Variants in ERAP1 observed in about 807,000 individuals in gnomAD.
ERAP1 encodes the protein endoplasmic reticulum aminopeptidase 1.
Under a neutral mutation model 103.7 loss-of-function variants are expected in ERAP1, and 86 were observed. The ratio of observed to expected loss-of-function variants is 0.83; its 90% CI spans 0.70 to 0.99. The LOEUF (loss-of-function observed/expected upper bound fraction) is 0.99, where lower values mean the gene tolerates loss of function less well. Ranked by LOEUF, ERAP1 falls within the 50% of genes least tolerant of loss-of-function variation. The pLI is 0.00. For missense variants in ERAP1, 1,009 were observed against 1,128.4 expected, an observed-to-expected ratio of 0.89 and a Z score of 1.52; for synonymous variants, 398 against 402.4, an observed-to-expected ratio of 0.99 and a Z score of 0.13.
the ERAP1 span, among the ~76,000 whole-genome samples, chr5:96,887,588 C>G: frequency 9.0e-3 from 1,373 of 152,262 alleles, 22 homozygotes; most frequent in African/African-American, 0.031. Flanking sequence ...GCGTGAGCCA[C>G]CGTGCCCGAC....
chr5:96,849,519 G>C, the ERAP1 span, among the ~76,000 whole-genome samples: 1 of 152,040 alleles, frequency 6.6e-6, no homozygotes. Flanking sequence ...CTTTACGATA[G>C]CATAAATAAT....
the ERAP1 span, among the ~76,000 whole-genome samples, chr5:96,867,583 T>C: frequency 2.0e-5 from 3 of 152,134 alleles, no homozygotes; most frequent in Admixed American, 6.5e-5. Flanking sequence ...TAGCTGGAAG[T>C]ATCTGCCAGA....
chr5:96,860,911 T>A, the ERAP1 span, among the ~76,000 whole-genome samples: 2 of 152,152 alleles, frequency 1.3e-5, no homozygotes, highest in African/African-American at 4.8e-5. Context: ...GACTTCAATT[T>A]ACAAGTGAGC....
chr5:96,889,239 G>A, the ERAP1 span: 2 of 1,613,952 alleles, frequency 1.2e-6, no homozygotes, highest in African/African-American at 1.3e-5. Context: ...TGCTTTGCAG[G>A]CATCACTGAA....
chr5:96,787,817 C>T (rs200161107), intron 11 of ERAP1, among the ~76,000 whole-genome samples: 6 of 147,754 alleles, frequency 4.1e-5, no homozygotes, highest in Non-Finnish European at 8.9e-5. Flanking sequence ...TATATATACA[C>T]ATATATATGT....
the ERAP1 span, among the ~76,000 whole-genome samples, chr5:96,897,907 A>G: frequency 6.6e-6 from 1 of 152,200 alleles, no homozygotes; most frequent in African/African-American, 2.4e-5. Flanking sequence ...GTTTAAAGAC[A>G]CTTTCATGGC....
At chr5:96,772,291 C>T (rs1772702247), downstream of ERAP1, 1 of 153,468 alleles carries the variant, frequency 6.5e-6, no homozygotes, top group Non-Finnish European at 1.5e-5. Flanking sequence ...AGAACTGGGC[C>T]CTTATCTTAA....
At chr5:96,892,313 C>T in the ERAP1 span, 1 of 1,613,778 alleles carries the variant, frequency 6.2e-7, no homozygotes, top group East Asian at 2.2e-5. Flanking sequence ...AATTGCTATT[C>T]CTGACTTTGC....
the ERAP1 span, chr5:96,892,186 C>A: frequency 5.5e-6 from 6 of 1,094,548 alleles, no homozygotes; most frequent in South Asian, 7.8e-5. Context: ...TTGATGTTTT[C>A]AAAAAGTCTG....
At chr5:96,870,277 C>T in the ERAP1 span, among the ~76,000 whole-genome samples, 1 of 152,222 alleles carries the variant, frequency 6.6e-6, no homozygotes, top group Non-Finnish European at 1.5e-5. Context: ...GACACAACCA[C>T]TCTTGTGACT....
At position 96,776,337 on chromosome 5, in the gene ERAP1, A is replaced by C; in HGVS notation, c.*59T>G. ...CAAAACAGCCATCTCTAGTTTGAAA[A>C]TACACTCAACAAAATGTTGGTGATT... On this transcript the variant is annotated 3_prime_UTR_variant, in exon 19 of 19. Transcript: ENST00000443439. 2 of 1,569,294 alleles carry C rather than the reference A, an allele frequency of 1.3e-6. No individual in the cohort carries two copies. The highest frequency in any genetic ancestry group is 1.7e-6 in the Non-Finnish European group (2 of 1,158,856).
At chr5:96,814,475 C>T in the ERAP1 span, among the ~76,000 whole-genome samples, 1 of 151,902 alleles carries the variant, frequency 6.6e-6, no homozygotes, top group Non-Finnish European at 1.5e-5. Context: ...GGGAAGGAGA[C>T]ATATATCAAA....
the ERAP1 span, among the ~76,000 whole-genome samples, chr5:96,888,482 A>G: frequency 6.6e-6 from 1 of 152,228 alleles, no homozygotes; most frequent in Non-Finnish European, 1.5e-5. Context: ...ACAAGTATTA[A>G]ATTAGATTTT....
At chr5:96,892,624 T>C in the ERAP1 span, among the ~76,000 whole-genome samples, 5 of 152,214 alleles carry the variant, frequency 3.3e-5, no homozygotes, top group Non-Finnish European at 7.3e-5. Context: ...CTCTGAACTG[T>C]GGTGTGCATA....
downstream of ERAP1, chr5:96,772,373 A>AATC (rs2150820349): frequency 1.3e-5 from 2 of 153,106 alleles, no homozygotes; most frequent in African/African-American, 4.8e-5. Flanking sequence ...GCCTAAAAGA[A>AATC]ATCAAAGTAT....
At chr5:96,892,335 T>G in the ERAP1 span, 1 of 1,613,858 alleles carries the variant, frequency 6.2e-7, no homozygotes, top group African/African-American at 1.3e-5. Context: ...CCTGGAGCCA[T>G]GGAAAATTGG....
At chr5:96,887,031 T>C in the ERAP1 span, among the ~76,000 whole-genome samples, 6 of 148,912 alleles carry the variant, frequency 4.0e-5, no homozygotes, top group Non-Finnish European at 7.4e-5. Flanking sequence ...GTGTACATAG[T>C]AACAGTATTT....
chr5:96,768,884 GT>G (rs1771058789), intron 19 of ERAP1: 1 of 155,482 alleles, frequency 6.4e-6, no homozygotes, highest in South Asian at 2.0e-4. Flanking sequence ...CTTGCTCTCT[GT>G]TACCTCTCTG....
chr5:96,793,767 G>A (rs1776997596), intron 6 of ERAP1, 36 bp downstream of exon 6: 2 of 1,567,060 alleles, frequency 1.3e-6, no homozygotes, highest in Non-Finnish European at 1.8e-6. Flanking sequence ...TATAAATGTA[G>A]TTTATACTTT....
Sources: gnomAD v4.1 joint callset for allele counts (sites outside exome capture counted in the v4.1 genomes callset) on GRCh38, gnomAD v4.1.1 for gene constraint, MANE v1.5 for transcripts, NCBI Gene and HGNC (gene_info 2026-07-23, HGNC 2026-07-21) for gene names.